Variants in TENM2 observed in about 807,000 individuals in gnomAD.
TENM2 encodes teneurin-2.
In TENM2, 52 loss-of-function variants were observed where a neutral mutation model predicts 245.2. The ratio of observed to expected loss-of-function variants is 0.21; its 90% CI spans 0.17 to 0.27. The LOEUF is 0.27. Ranked by LOEUF, TENM2 falls within the 10% of genes least tolerant of loss-of-function variation. The pLI is 1.00. For synonymous variants in TENM2, 1,363 were observed against 1,438.9 expected (o/e 0.95, Z 1.19); for missense variants, 3,046 against 3,666.8 (o/e 0.83, Z 4.37).
At chr5:167,981,008 G>T (rs1303261979) in intron 4 of TENM2, among the ~76,000 whole-genome samples, 1 of 152,158 alleles carries the variant, frequency 6.6e-6, no homozygotes, top group Non-Finnish European at 1.5e-5. Flanking sequence ...CCTGAGATTG[G>T]CCTTCAGCAG....
intron 2 of TENM2, among the ~76,000 whole-genome samples, chr5:167,546,113 C>A (rs9687011): frequency 0.67 from 101,453 of 152,040 alleles, 35,030 homozygotes; most frequent in East Asian, 0.86. Context: ...TAAATAACTT[C>A]TCCAAATTCA....
intron 3 of TENM2, 118 bp from the exon 6 acceptor site, chr5:167,952,470 C>A: frequency 3.6e-6 from 3 of 822,496 alleles, no homozygotes; most frequent in South Asian, 3.3e-5. Flanking sequence ...CTCTAGCTTG[C>A]AGCTTTCAGC....
chr5:167,022,329 A>G, the TENM2 span, among the ~76,000 whole-genome samples: 1 of 152,226 alleles, frequency 6.6e-6, no homozygotes, highest in Non-Finnish European at 1.5e-5. Flanking sequence ...TGAGGAATCT[A>G]GCTTGCAAAT....
chr5:167,708,233 G>GGA (rs10646203), intron 2 of TENM2, among the ~76,000 whole-genome samples: 18,212 of 148,978 alleles, frequency 0.12, 1,427 homozygotes, highest in African/African-American at 0.23. Flanking sequence ...AGAAAGTGAT[G>GGA]GAGAGAGAGA....
the TENM2 span, among the ~76,000 whole-genome samples, chr5:166,993,253 T>C: frequency 6.6e-6 from 1 of 152,048 alleles, no homozygotes; most frequent in Non-Finnish European, 1.5e-5. Context: ...TGCAGAGCTA[T>C]TTTATGGATA....
In TENM2 at chr5:168,214,972, T is replaced by C. The variant is rs1480363688; in HGVS notation, c.3846-68T>C. On this transcript the variant is annotated intron_variant, in intron 20 of 28. Coordinates refer to ENST00000518659, the Ensembl canonical transcript of TENM2. ...AAGCGTCTTGCTAGGATTTTTGTCA[T>C]TCCTTTGATCTAGGAGGCCAGCTCC... 18 of 1,375,142 alleles carry C rather than the reference T, an allele frequency of 1.3e-5. No homozygotes were observed. In the South Asian group the frequency reaches 2.0e-4, roughly 15 times the overall value. 85.2% of individuals were successfully genotyped at this position (1,375,142 alleles called of 1,614,324 possible). A position where few individuals can be genotyped will look rare whatever the true frequency, so the allele number is the denominator to read the frequency against.
the TENM2 span, among the ~76,000 whole-genome samples, chr5:167,082,970 A>G: frequency 6.6e-6 from 1 of 152,102 alleles, no homozygotes; most frequent in African/African-American, 2.4e-5. Flanking sequence ...TGGGAAGGCA[A>G]TGCTGGAAAG....
intron 2 of TENM2, among the ~76,000 whole-genome samples, chr5:167,800,030 C>T (rs561201237): frequency 1.1e-4 from 17 of 152,304 alleles, no homozygotes; most frequent in African/African-American, 3.8e-4. Context: ...GTCAGTGTTA[C>T]CACCCAGTGT....
intron 2 of TENM2, among the ~76,000 whole-genome samples, chr5:167,681,335 C>A (rs1270676500): frequency 6.6e-6 from 1 of 152,054 alleles, no homozygotes; most frequent in Non-Finnish European, 1.5e-5. Flanking sequence ...GGCTATCTTT[C>A]CATTTTAGAC....
At chr5:167,894,981 GGAAGGAA>G (rs1483980597) in intron 3 of TENM2, among the ~76,000 whole-genome samples, 85 of 135,308 alleles carry the variant, frequency 6.3e-4, no homozygotes, top group African/African-American at 1.7e-3. Flanking sequence ...AAGGAAGGAA[GGAAGGAA>G]GGAGGGAAGG....
intron 2 of TENM2, among the ~76,000 whole-genome samples, chr5:167,489,023 C>T (rs34036339): frequency 0.33 from 50,636 of 151,978 alleles, 9,644 homozygotes; most frequent in Non-Finnish European, 0.41. Flanking sequence ...ACCTAACTAC[C>T]GCTGCCACGT....
chr5:167,052,184 ATAGG>A, the TENM2 span, among the ~76,000 whole-genome samples: 1 of 152,144 alleles, frequency 6.6e-6, no homozygotes, highest in Admixed American at 6.6e-5. Context: ...TATTTAGAAA[ATAGG>A]TAGAGTAGGA....
intron 2 of TENM2, among the ~76,000 whole-genome samples, chr5:167,764,280 C>G (rs1460998294): frequency 1.3e-5 from 2 of 152,318 alleles, no homozygotes; most frequent in Non-Finnish European, 2.9e-5. Context: ...CAGTGACCCT[C>G]CCTTTCCCCC....
chr5:168,120,694 A>G (rs189817798), intron 10 of TENM2, among the ~76,000 whole-genome samples: 27 of 152,340 alleles, frequency 1.8e-4, no homozygotes, highest in African/African-American at 6.0e-4. Context: ...AAAAGAATGA[A>G]CCGAGGTGAT....
chr5:168,012,774 G>GAAAAAAAAAAAAAAAA (rs3056563), intron 5 of TENM2, among the ~76,000 whole-genome samples: 2 of 74,280 alleles, frequency 2.7e-5, no homozygotes, highest in African/African-American at 5.1e-5. Context: ...AAGAACAACT[G>GAAAAAAAAAAAAAAAA]AAAAAAAAAA....
the TENM2 span, among the ~76,000 whole-genome samples, chr5:167,177,522 T>C: frequency 6.6e-6 from 1 of 152,202 alleles, no homozygotes; most frequent in East Asian, 1.9e-4. Context: ...TTGGCTTTTG[T>C]CAAATAATGA....
intron 11 of TENM2, among the ~76,000 whole-genome samples, chr5:168,125,448 T>C (rs1179066777): frequency 2.6e-5 from 4 of 152,190 alleles, no homozygotes; most frequent in African/African-American, 9.6e-5. Flanking sequence ...TACAGCTCTG[T>C]AATACTCCAG....
chr5:167,275,660 A>G, the TENM2 span, among the ~76,000 whole-genome samples: 1 of 152,038 alleles, frequency 6.6e-6, no homozygotes, highest in Non-Finnish European at 1.5e-5. Flanking sequence ...CCATGTGTTC[A>G]TTGCTAGTGT....
At chr5:167,529,709 A>G (rs1771368752) in intron 2 of TENM2, among the ~76,000 whole-genome samples, 1 of 152,212 alleles carries the variant, frequency 6.6e-6, no homozygotes. Context: ...TGAGGGCACA[A>G]ATAACAAATG....
Sources: gnomAD v4.1 joint callset for allele counts (sites outside exome capture counted in the v4.1 genomes callset) on GRCh38, gnomAD v4.1.1 for gene constraint, MANE v1.5 for transcripts, NCBI Gene and HGNC (gene_info 2026-07-23, HGNC 2026-07-21) for gene names.